Variants in CBFB observed in about 807,000 individuals in gnomAD.
CBFB encodes the protein CBF-beta.
In CBFB, 9 loss-of-function variants were observed where a neutral mutation model predicts 30.4. The observed-to-expected ratio is 0.30, with a 90% CI of 0.18 to 0.52. The LOEUF (loss-of-function observed/expected upper bound fraction) is 0.52. CBFB is among the 20% of genes least tolerant of loss of function. The pLI is 0.97. For missense variants in CBFB, 170 were observed against 244.0 expected (o/e 0.70, Z 2.02); for synonymous variants, 94 against 84.0 (o/e 1.12, Z -0.65).
chr16:67,090,983 T>G (rs1049203356), intron 5 of CBFB, among the ~76,000 whole-genome samples: 2 of 152,242 alleles, frequency 1.3e-5, no homozygotes, highest in African/African-American at 2.4e-5. Flanking sequence ...AGTTTTCAAA[T>G]TATTTAACTC....
intron 2 of CBFB, 177 bp downstream of exon 2, chr16:67,029,990 G>C (rs1353612119): frequency 6.3e-6 from 3 of 477,316 alleles, no homozygotes; most frequent in African/African-American, 6.2e-5. Context: ...GTACTCGCGG[G>C]GAGACGCTTT....
At chr16:67,045,313 C>T (rs1966604718) in intron 3 of CBFB, among the ~76,000 whole-genome samples, 1 of 151,942 alleles carries the variant, frequency 6.6e-6, no homozygotes, top group Admixed American at 6.6e-5. Context: ...GTCAGGAGTT[C>T]GAGACCAGAC....
At chr16:67,031,370 C>A (rs1320645769) in intron 2 of CBFB, among the ~76,000 whole-genome samples, 1 of 152,304 alleles carries the variant, frequency 6.6e-6, no homozygotes. Context: ...TAAAAGAATT[C>A]ATTAGCTGGT....
In CBFB at chr16:67,029,449, C is replaced by A. The variant is rs1306600174; in HGVS notation, c.42C>A (p.Asn14Lys). ...VVPDQRSKFE[N>K]EEFFRKLSRE... Reference sequence around the variant, plus strand: ...CCGACCAGAGAAGCAAGTTCGAGAACGAGGAGTTTTTTAGGAAGCTGAGCC... The same window carrying A: ...CCGACCAGAGAAGCAAGTTCGAGAAAGAGGAGTTTTTTAGGAAGCTGAGCC... Residue 14 changes from asparagine to lysine, a missense_variant, in exon 1 of 6, where the codon AAC (asparagine) becomes AAA (lysine). Transcript: ENST00000412916. 2 of 1,591,134 alleles carry A rather than the reference C, an allele frequency of 1.3e-6. No homozygotes were observed. The highest frequency in any genetic ancestry group is 2.3e-5 in the South Asian group (2 of 88,232).
chr16:67,044,533 C>G (rs112625980), intron 3 of CBFB, among the ~76,000 whole-genome samples: 31 of 151,458 alleles, frequency 2.0e-4, no homozygotes, highest in South Asian at 4.2e-4. Context: ...TATTTTTTTT[C>G]TTTCTGGACT....
chr16:67,097,214 C>CA (rs1597166592), intron 5 of CBFB, among the ~76,000 whole-genome samples: 1 of 152,038 alleles, frequency 6.6e-6, no homozygotes, highest in African/African-American at 2.4e-5. Flanking sequence ...GTCTTGGTGA[C>CA]AGAGTGAGAC....
At chr16:67,086,729 G>A (rs1005635623) in intron 5 of CBFB, among the ~76,000 whole-genome samples, 2 of 152,192 alleles carry the variant, frequency 1.3e-5, no homozygotes, top group Non-Finnish European at 2.9e-5. Context: ...CCCCAAGTGT[G>A]TTGGTCTGTA....
At chr16:67,055,548 G>A in intron 3 of CBFB, among the ~76,000 whole-genome samples, 1 of 151,438 alleles carries the variant, frequency 6.6e-6, no homozygotes, top group Admixed American at 6.6e-5. Flanking sequence ...AGTAGAGATG[G>A]GGTTTCACTG....
chr16:67,040,046 G>A (rs941200498), intron 3 of CBFB, among the ~76,000 whole-genome samples: 2 of 152,084 alleles, frequency 1.3e-5, no homozygotes, highest in Admixed American at 6.6e-5. Context: ...GTACTGTTCC[G>A]TGCCACTGTA....
chr16:67,084,121 G>A (rs1399086451), intron 5 of CBFB, among the ~76,000 whole-genome samples: 2 of 135,062 alleles, frequency 1.5e-5, no homozygotes, highest in South Asian at 2.3e-4. Context: ...AGCTATGATC[G>A]TGCCACTGTA....
chr16:67,040,107 A>G (rs966451536), intron 3 of CBFB, among the ~76,000 whole-genome samples: 1 of 152,198 alleles, frequency 6.6e-6, no homozygotes, highest in Admixed American at 6.5e-5. Flanking sequence ...GTGTTTTCTC[A>G]TCCGTGGAGC....
chr16:67,033,665 G>A (rs1279292601), intron 2 of CBFB, among the ~76,000 whole-genome samples: 2 of 149,228 alleles, frequency 1.3e-5, no homozygotes, highest in Non-Finnish European at 3.0e-5. Flanking sequence ...AGGCTGGAGT[G>A]CAGTGGCACG....
At chr16:67,087,390 TA>T (rs777172749) in intron 5 of CBFB, among the ~76,000 whole-genome samples, 3 of 151,418 alleles carry the variant, frequency 2.0e-5, no homozygotes, top group Non-Finnish European at 1.5e-5. Context: ...ACTTTGTCTC[TA>T]CAAAAAATTT....
At chr16:67,034,676 G>C (rs986520756) in intron 2 of CBFB, among the ~76,000 whole-genome samples, 9 of 152,186 alleles carry the variant, frequency 5.9e-5, no homozygotes, top group Non-Finnish European at 1.3e-4. Flanking sequence ...ACGATCTGCA[G>C]AGTGTCTTAG....
chr16:67,065,867 A>T (rs1336408632), intron 3 of CBFB, among the ~76,000 whole-genome samples: 2 of 152,196 alleles, frequency 1.3e-5, no homozygotes, highest in East Asian at 3.8e-4. Context: ...TGGGAAAAGT[A>T]AAAAATAAAT....
At chr16:67,064,623 C>T (rs983250165) in intron 3 of CBFB, among the ~76,000 whole-genome samples, 1 of 152,038 alleles carries the variant, frequency 6.6e-6, no homozygotes, top group Non-Finnish European at 1.5e-5. Flanking sequence ...AAAATATTCA[C>T]CTCAGGATGA....
intron 5 of CBFB, 86 bp downstream of exon 5, chr16:67,082,394 CT>C (rs1333174677): frequency 1.4e-6 from 2 of 1,478,250 alleles, no homozygotes; most frequent in African/African-American, 2.8e-5. Flanking sequence ...GTGCATAATG[CT>C]TTTTAATAGT....
intron 3 of CBFB, among the ~76,000 whole-genome samples, chr16:67,066,391 T>TA (rs1961054183): frequency 3.5e-5 from 1 of 28,274 alleles, no homozygotes. Flanking sequence ...CTACTAAAAA[T>TA]ACAAAAAAAA....
chr16:67,055,353 C>CTTTT (rs1960686305), intron 3 of CBFB, among the ~76,000 whole-genome samples: 15 of 117,426 alleles, frequency 1.3e-4, no homozygotes, highest in African/African-American at 4.9e-4. Context: ...ATTCCAGACA[C>CTTTT]TTTCTTTTTT....
Sources: allele counts gnomAD v4.1 joint callset (sites outside exome capture counted in the v4.1 genomes callset), GRCh38; gene constraint gnomAD v4.1.1; transcripts MANE v1.5; gene names NCBI Gene and HGNC (gene_info 2026-07-23, HGNC 2026-07-21).